RTN4RL1: variants seen among roughly 807,000 people sequenced by gnomAD.
RTN4RL1 encodes the protein reticulon 4 receptor like 1.
A neutral mutation model predicts 25.6 loss-of-function variants in RTN4RL1; 7 were observed. The observed-to-expected ratio is 0.27, with a 90% CI of 0.16 to 0.51. RTN4RL1 has a LOEUF of 0.51. Ranked by LOEUF, RTN4RL1 falls within the 20% of genes least tolerant of loss-of-function variation. The pLI is 0.97. For missense variants in RTN4RL1, 500 were observed against 615.6 expected, an observed-to-expected ratio of 0.81 and a Z score of 1.99; for synonymous variants, 297 against 288.2, an observed-to-expected ratio of 1.03 and a Z score of -0.31.
chr17:2,021,011 A>T (rs1450572383), intron 1 of RTN4RL1, among the ~76,000 whole-genome samples: 1 of 151,968 alleles, frequency 6.6e-6, no homozygotes, highest in East Asian at 1.9e-4. Flanking sequence ...TGCTTTTAAT[A>T]TCCCTGGTTT....
chr17:1,973,365 T>TAAA (rs35165215), intron 1 of RTN4RL1, among the ~76,000 whole-genome samples: 1 of 124,790 alleles, frequency 8.0e-6, no homozygotes, highest in East Asian at 2.6e-4. Context: ...GACACTGTCT[T>TAAA]AAAAAAAAAA....
intron 1 of RTN4RL1, among the ~76,000 whole-genome samples, chr17:2,008,981 A>G (rs1382751675): frequency 6.6e-6 from 1 of 151,796 alleles, no homozygotes; most frequent in East Asian, 1.9e-4. Context: ...GGGTTTACTC[A>G]CTCCCACCCT....
At chr17:1,941,028 G>A (rs1048370248) in intron 1 of RTN4RL1, among the ~76,000 whole-genome samples, 2 of 152,162 alleles carry the variant, frequency 1.3e-5, no homozygotes, top group East Asian at 1.9e-4. Flanking sequence ...AATCCCACTC[G>A]ACATTTGCAC....
intron 1 of RTN4RL1, among the ~76,000 whole-genome samples, chr17:1,999,352 A>G (rs1424672093): frequency 1.3e-5 from 2 of 152,024 alleles, no homozygotes; most frequent in Non-Finnish European, 2.9e-5. Context: ...AGGCTGAGGC[A>G]GGAGAATCAC....
chr17:1,946,523 T>C (rs1448545598), intron 1 of RTN4RL1, among the ~76,000 whole-genome samples: 1 of 150,424 alleles, frequency 6.6e-6, no homozygotes, highest in Admixed American at 6.6e-5. Context: ...CTATGTGTGA[T>C]TGTGTGTCTG....
At chr17:1,939,041 G>A (rs758691340) in intron 1 of RTN4RL1, among the ~76,000 whole-genome samples, 2 of 149,568 alleles carry the variant, frequency 1.3e-5, no homozygotes, top group Non-Finnish European at 3.0e-5. Context: ...GTGAGATTCT[G>A]TCTCAAAAAA....
At position 1,937,589 on chromosome 17, in the gene RTN4RL1, A is replaced by G. The variant is rs1915337979; in HGVS notation, c.233T>C (p.Met78Thr). 2.5e-6 allele frequency: 4 copies of G among 1,613,888 alleles called. No homozygotes were observed. Among genetic ancestry groups the G allele is most frequent in the South Asian group, 1.1e-5 (1 of 91,074 alleles). ...LLQPGHFSPA[M>T]VTLWIYSNNI... Reference sequence around the variant, plus strand: ...GTTCGAGTAGATCCACAGGGTGACCATGGCGGGGCTGAAGTGGCCGGGCTG... The same window carrying G: ...GTTCGAGTAGATCCACAGGGTGACCGTGGCGGGGCTGAAGTGGCCGGGCTG... Residue 78 changes from methionine (M) to threonine (T), a missense_variant, in exon 2 of 2, where the codon ATG becomes ACG. Around this residue, in one of 2 missense-constraint regions of RTN4RL1, gnomAD observed 232 missense variants for 341.1 expected, o/e 0.68. Transcript: ENST00000331238.
At chr17:1,993,016 G>A (rs1253442875) in intron 1 of RTN4RL1, among the ~76,000 whole-genome samples, 1 of 152,208 alleles carries the variant, frequency 6.6e-6, no homozygotes, top group Admixed American at 6.5e-5. Context: ...GCCGAGGCAG[G>A]TGGATCGCCT....
chr17:1,979,997 C>T (rs1000806303), intron 1 of RTN4RL1, among the ~76,000 whole-genome samples: 5 of 152,194 alleles, frequency 3.3e-5, no homozygotes, highest in African/African-American at 1.2e-4. Flanking sequence ...TTCCCACACA[C>T]CCTGGCCTGG....
At chr17:1,940,701 G>A (rs142145821) in intron 1 of RTN4RL1, among the ~76,000 whole-genome samples, 47 of 152,196 alleles carry the variant, frequency 3.1e-4, no homozygotes, top group African/African-American at 1.0e-3. Flanking sequence ...CCACAGAGCC[G>A]ACACTCCCCG....
intron 1 of RTN4RL1, among the ~76,000 whole-genome samples, chr17:2,012,177 C>T (rs1283164386): frequency 2.0e-5 from 3 of 152,230 alleles, no homozygotes; most frequent in African/African-American, 4.8e-5. Flanking sequence ...CCGTTTGCCA[C>T]GGAGTCGATA....
intron 1 of RTN4RL1, among the ~76,000 whole-genome samples, chr17:1,945,552 T>C (rs1915519685): frequency 6.6e-6 from 1 of 151,894 alleles, no homozygotes; most frequent in Non-Finnish European, 1.5e-5. Flanking sequence ...GGTTTCACTA[T>C]GTTGACCAGG....
chr17:1,937,929 C>T, intron 1 of RTN4RL1, 121 bp from the exon 2 acceptor site: 1 of 850,724 alleles, frequency 1.2e-6, no homozygotes, highest in Non-Finnish European at 1.8e-6. Flanking sequence ...GAGCCTTGTC[C>T]CTGGCTGGAG....
chr17:2,004,322 C>T (rs1190706143), intron 1 of RTN4RL1, among the ~76,000 whole-genome samples: 2 of 144,058 alleles, frequency 1.4e-5, no homozygotes, highest in Admixed American at 7.0e-5. Context: ...GAGCCGAGAT[C>T]GCGCCACTGC....
At chr17:2,004,633 A>AGCTCCGCCT (rs1336409132) in intron 1 of RTN4RL1, among the ~76,000 whole-genome samples, 1 of 152,192 alleles carries the variant, frequency 6.6e-6, no homozygotes, top group East Asian at 1.9e-4. Context: ...TGCTTCCCGC[A>AGCTCCGCCT]GCTCCGCCTG....
intron 1 of RTN4RL1, among the ~76,000 whole-genome samples, chr17:1,953,779 G>A (rs959283111): frequency 2.0e-5 from 3 of 152,108 alleles, no homozygotes; most frequent in African/African-American, 7.2e-5. Context: ...TGGCCAGGCT[G>A]GTCTCGAACT....
chr17:1,971,885 C>G (rs1222931813), intron 1 of RTN4RL1, among the ~76,000 whole-genome samples: 118 of 149,906 alleles, frequency 7.9e-4, no homozygotes, highest in African/African-American at 2.7e-3. Flanking sequence ...TGGCATGAAC[C>G]TGGGAGGCGG....
intron 1 of RTN4RL1, among the ~76,000 whole-genome samples, chr17:1,956,765 T>C (rs941261348): frequency 3.5e-5 from 5 of 144,352 alleles, no homozygotes; most frequent in Non-Finnish European, 7.5e-5. Flanking sequence ...TTTTTTAAGA[T>C]GGAGTCTCAC....
chr17:1,944,126 T>C (rs577124750), intron 1 of RTN4RL1, among the ~76,000 whole-genome samples: 2 of 152,276 alleles, frequency 1.3e-5, no homozygotes, highest in African/African-American at 2.4e-5. Flanking sequence ...GATCTCACTA[T>C]GTTCCCCAGG....
Sources: gnomAD v4.1 joint callset for allele counts (sites outside exome capture counted in the v4.1 genomes callset) on GRCh38, gnomAD v4.1.1 for gene constraint, gnomAD v4.1.1 regional missense constraint, MANE v1.5 for transcripts, NCBI Gene and HGNC (gene_info 2026-07-23, HGNC 2026-07-21) for gene names.